CTNNA2: variants seen among roughly 807,000 people sequenced by gnomAD.
The protein encoded by CTNNA2 is catenin alpha 2.
Under a neutral mutation model 101.0 loss-of-function variants are expected in CTNNA2, and 42 were observed. The ratio of observed to expected loss-of-function variants is 0.42; its 90% CI spans 0.32 to 0.54. The LOEUF (loss-of-function observed/expected upper bound fraction) is 0.54. Ranked by LOEUF, CTNNA2 falls within the 20% of genes least tolerant of loss-of-function variation. The pLI is 0.14. For synonymous variants in CTNNA2, 450 were observed against 456.4 expected (o/e 0.99, Z 0.18); for missense variants, 871 against 1,223.1 (o/e 0.71, Z 4.29).
At chr2:79,922,573 G>A (rs996155295) in intron 7 of CTNNA2, among the ~76,000 whole-genome samples, 1 of 148,500 alleles carries the variant, frequency 6.7e-6, no homozygotes, top group African/African-American at 2.5e-5. Flanking sequence ...AATCTCTTCT[G>A]TTGCCCCTTT....
At chr2:80,534,401 C>G (rs12990107) in intron 9 of CTNNA2, among the ~76,000 whole-genome samples, 23,055 of 152,124 alleles carry the variant, frequency 0.15, 2,081 homozygotes, top group Middle Eastern at 0.28. Context: ...AATTCTAGAT[C>G]ATAGAACTGA....
intron 2 of CTNNA2, among the ~76,000 whole-genome samples, chr2:79,677,283 C>T (rs559598627): frequency 2.6e-5 from 4 of 152,234 alleles, no homozygotes; most frequent in Admixed American, 2.6e-4. Flanking sequence ...CTTCAGGCTA[C>T]GGAGTCCTGT....
At chr2:80,507,847 G>A (rs1259062789) in intron 9 of CTNNA2, among the ~76,000 whole-genome samples, 5 of 152,160 alleles carry the variant, frequency 3.3e-5, no homozygotes, top group Admixed American at 3.3e-4. Flanking sequence ...ACAAATTTGA[G>A]TCAAATAGAT....
intron 6 of CTNNA2, among the ~76,000 whole-genome samples, chr2:79,889,282 A>T (rs535483252): frequency 1.3e-5 from 2 of 152,318 alleles, no homozygotes; most frequent in South Asian, 4.1e-4. Context: ...TTTCCAGCAG[A>T]ATATTATGGA....
At chr2:79,892,259 G>A (rs1684362814) in intron 6 of CTNNA2, among the ~76,000 whole-genome samples, 1 of 152,002 alleles carries the variant, frequency 6.6e-6, no homozygotes, top group Non-Finnish European at 1.5e-5. Flanking sequence ...TGCTAGTTTT[G>A]CCTAGTTTAA....
At chr2:79,215,567 G>C (rs899536934) in intron 2 of CTNNA2, among the ~76,000 whole-genome samples, 1 of 152,118 alleles carries the variant, frequency 6.6e-6, no homozygotes, top group Non-Finnish European at 1.5e-5. Flanking sequence ...AGAATAAGAC[G>C]ACCTTTTGAC....
At chr2:80,214,465 C>T (rs1012817845) in intron 7 of CTNNA2, among the ~76,000 whole-genome samples, 2 of 152,094 alleles carry the variant, frequency 1.3e-5, no homozygotes, top group African/African-American at 4.8e-5. Flanking sequence ...TTCTCCTTCA[C>T]TTATGAACCT....
chr2:79,506,323 A>C (rs1469538051), intron 5 of CTNNA2, among the ~76,000 whole-genome samples: 1 of 152,120 alleles, frequency 6.6e-6, no homozygotes, highest in African/African-American at 2.4e-5. Context: ...AAGTTAAAAA[A>C]AAAAAAAGGA....
In CTNNA2 at chr2:79,327,818, C is replaced by T. The variant is rs1676780965; in HGVS notation, c.-318+15022C>T. The stretch of plus-strand genomic sequence containing the variant: ...GGATGCAGAAGGGGCAGGGGGATGG[C>T]AAGCTGCCTCCCTGCCATTAACATT... On this transcript the variant is annotated intron_variant, in intron 3 of 21. Coordinates refer to the CTNNA2 transcript ENST00000466387. Among the ~76,000 whole-genome samples, 3 of 152,294 alleles carry T rather than the reference C, an allele frequency of 2.0e-5. 1 individual carries two copies. The South Asian group carries it at 6.2e-4, about 32-fold the overall frequency.
intron 9 of CTNNA2, among the ~76,000 whole-genome samples, chr2:80,475,257 G>T (rs1685639396): frequency 6.6e-6 from 1 of 152,122 alleles, no homozygotes; most frequent in African/African-American, 2.4e-5. Flanking sequence ...ATTGTATGTT[G>T]AGTTAACAAG....
intron 7 of CTNNA2, among the ~76,000 whole-genome samples, chr2:80,357,697 C>T (rs1367841051): frequency 6.6e-6 from 1 of 152,092 alleles, no homozygotes; most frequent in Non-Finnish European, 1.5e-5. Context: ...TCAAAACCAC[C>T]TATTTGGCAC....
chr2:79,812,292 C>G (rs531349569), intron 3 of CTNNA2, among the ~76,000 whole-genome samples: 10 of 152,104 alleles, frequency 6.6e-5, no homozygotes, highest in African/African-American at 1.9e-4. Context: ...TGGTTAAGTG[C>G]AGTCATCCTT....
intron 7 of CTNNA2, among the ~76,000 whole-genome samples, chr2:80,228,488 A>G (rs973433914): frequency 6.6e-6 from 1 of 152,198 alleles, no homozygotes; most frequent in Non-Finnish European, 1.5e-5. Context: ...TTATGTTTCA[A>G]CATATGAATC....
chr2:79,313,144 T>C (rs1227462831), intron 3 of CTNNA2, among the ~76,000 whole-genome samples: 1 of 152,212 alleles, frequency 6.6e-6, no homozygotes, highest in Non-Finnish European at 1.5e-5. Flanking sequence ...CTTTATCCCT[T>C]GGCTCCCGTT....
intron 2 of CTNNA2, among the ~76,000 whole-genome samples, chr2:79,243,263 G>C (rs1674658211): frequency 6.6e-6 from 1 of 152,066 alleles, no homozygotes; most frequent in African/African-American, 2.4e-5. Context: ...GGAAATTGTA[G>C]TTAAGGGAAC....
At chr2:80,425,377 T>G (rs1041177393) in intron 9 of CTNNA2, among the ~76,000 whole-genome samples, 1 of 152,240 alleles carries the variant, frequency 6.6e-6, no homozygotes, top group African/African-American at 2.4e-5. Context: ...AGTGGAAATT[T>G]TGCGACTTAC....
intron 7 of CTNNA2, among the ~76,000 whole-genome samples, chr2:80,308,943 G>C (rs1465266996): frequency 2.0e-5 from 3 of 151,904 alleles, no homozygotes; most frequent in Non-Finnish European, 4.4e-5. Flanking sequence ...ACAAAAATTA[G>C]CCAGGCGTGG....
chr2:79,610,448 C>G (rs1434043713), intron 1 of CTNNA2, among the ~76,000 whole-genome samples: 1 of 152,016 alleles, frequency 6.6e-6, no homozygotes, highest in Middle Eastern at 3.4e-3. Context: ...TTTATAATAG[C>G]CAATAAGTGG....
intron 9 of CTNNA2, among the ~76,000 whole-genome samples, chr2:80,519,436 A>G (rs77506826): frequency 0.056 from 8,546 of 152,232 alleles, 324 homozygotes; most frequent in African/African-American, 0.1. Flanking sequence ...CTTTGAAAAA[A>G]AATCACACTC....
Sources: allele counts gnomAD v4.1 joint callset (sites outside exome capture counted in the v4.1 genomes callset), GRCh38; gene constraint gnomAD v4.1.1; transcripts MANE v1.5; gene names NCBI Gene and HGNC (gene_info 2026-07-23, HGNC 2026-07-21).